Variants in SCARA5 observed in about 807,000 individuals in gnomAD.
The protein encoded by SCARA5 is scavenger receptor class A, member 5 (putative).
In SCARA5, 45 loss-of-function variants were observed where a neutral mutation model predicts 46.3. The observed-to-expected ratio is 0.97, with a 90% CI of 0.76 to 1.24. The LOEUF is 1.24. SCARA5 is among the 50% of genes most tolerant of loss of function. The pLI, the probability that SCARA5 is intolerant of heterozygous loss-of-function variation, is 0.00. For synonymous variants in SCARA5, 333 were observed against 306.5 expected, an observed-to-expected ratio of 1.09 and a Z score of -0.90; for missense variants, 680 against 689.0, an observed-to-expected ratio of 0.99 and a Z score of 0.15.
At chr8:27,884,765 A>G (rs1172996635) in intron 7 of SCARA5, among the ~76,000 whole-genome samples, 5 of 152,216 alleles carry the variant, frequency 3.3e-5, no homozygotes, top group Non-Finnish European at 5.9e-5. Flanking sequence ...AGCTGTGGAT[A>G]CACCCACAAA....
At chr8:27,909,533 A>C in intron 5 of SCARA5, 130 bp downstream of exon 5, 1 of 626,962 alleles carries the variant, frequency 1.6e-6, no homozygotes, top group Non-Finnish European at 2.8e-6. Context: ...TCTTGTTGGA[A>C]CAGAGCGTTT....
chr8:27,982,886 G>A (rs1381089116), intron 2 of SCARA5, among the ~76,000 whole-genome samples: 1 of 152,186 alleles, frequency 6.6e-6, no homozygotes, highest in African/African-American at 2.4e-5. Context: ...CAGGGAGGGT[G>A]AAGAGAAATG....
chr8:27,991,528 C>T (rs1808785738), intron 1 of SCARA5, among the ~76,000 whole-genome samples: 1 of 152,184 alleles, frequency 6.6e-6, no homozygotes, highest in South Asian at 2.1e-4. Context: ...TCCATTAATT[C>T]CTCCTCTGAG....
intron 2 of SCARA5, among the ~76,000 whole-genome samples, chr8:27,971,420 A>T (rs183604579): frequency 2.0e-4 from 30 of 152,334 alleles, no homozygotes; most frequent in Non-Finnish European, 3.4e-4. Context: ...ATAAATTTGA[A>T]AACAGTGACT....
chr8:27,927,920 T>C (rs1585495118), intron 3 of SCARA5, among the ~76,000 whole-genome samples: 1 of 152,238 alleles, frequency 6.6e-6, no homozygotes, highest in Non-Finnish European at 1.5e-5. Flanking sequence ...AACATTATTT[T>C]TATGTGAGTC....
At chr8:27,931,037 A>T (rs1249751973) in intron 3 of SCARA5, among the ~76,000 whole-genome samples, 1 of 152,242 alleles carries the variant, frequency 6.6e-6, no homozygotes, top group Admixed American at 6.5e-5. Flanking sequence ...ACTGGGTTGC[A>T]TTTACTGAGG....
At chr8:27,945,554 A>G (rs752089698) in intron 3 of SCARA5, among the ~76,000 whole-genome samples, 2 of 152,194 alleles carry the variant, frequency 1.3e-5, no homozygotes, top group Non-Finnish European at 2.9e-5. Context: ...TTAACTACAT[A>G]AAGATTTATG....
intron 3 of SCARA5, among the ~76,000 whole-genome samples, chr8:27,939,065 A>G (rs1807902184): frequency 6.6e-6 from 1 of 152,214 alleles, no homozygotes; most frequent in African/African-American, 2.4e-5. Flanking sequence ...GCCACTTTAT[A>G]CCATACACAG....
chr8:27,874,086 G>A (rs142562362), intron 8 of SCARA5, among the ~76,000 whole-genome samples: 9 of 152,300 alleles, frequency 5.9e-5, no homozygotes, highest in South Asian at 4.2e-4. Context: ...AGGCCTCTGT[G>A]TGCTCAGTAC....
At chr8:27,985,309 C>T (rs1480317190) in intron 2 of SCARA5, among the ~76,000 whole-genome samples, 5 of 151,970 alleles carry the variant, frequency 3.3e-5, no homozygotes, top group Admixed American at 6.6e-5. Context: ...CAGTAATGCA[C>T]ACTGGGGGAT....
At chr8:27,990,462 G>C (rs1808772143) in intron 1 of SCARA5, among the ~76,000 whole-genome samples, 2 of 152,086 alleles carry the variant, frequency 1.3e-5, no homozygotes. Context: ...CTCCTCCCAG[G>C]AGCACTGTGT....
Position 27,992,581 on chromosome 8 carries a change from T to G in SCARA5, c.-340A>C, listed in dbSNP as rs900298746. 3.9e-5 allele frequency: 6 copies of G among 152,510 alleles called. No individual in the cohort carries two copies. The highest frequency in any genetic ancestry group is 7.3e-5 in the Non-Finnish European group (5 of 68,298). 9.4% of individuals were successfully genotyped at this position (152,510 alleles called of 1,614,324 possible). A position where few individuals can be genotyped will look rare whatever the true frequency, so the allele number is the denominator to read the frequency against. On this transcript the variant is annotated 5_prime_UTR_variant, in exon 1 of 9. Coordinates refer to ENST00000354914, the MANE Select transcript of SCARA5 (RefSeq NM_173833.6). ...CCTGTCCTTGGTGCCTGGTCCTGGG[T>G]AGCGATCAGGAGATGTTCTGAGGAG...
chr8:27,960,847 T>C (rs1207726155), intron 3 of SCARA5, among the ~76,000 whole-genome samples: 2 of 152,084 alleles, frequency 1.3e-5, no homozygotes, highest in Non-Finnish European at 2.9e-5. Context: ...AAAACATAAA[T>C]AGAATAGAGT....
Position 27,921,919 on chromosome 8 carries a change from C to T in SCARA5, c.568G>A (p.Val190Met). 3.3e-6 allele frequency: 5 copies of T among 1,531,388 alleles called. No homozygotes were observed. The South Asian group carries it at 3.7e-5, about 11-fold the overall frequency. The allele number at this position is 1,531,388 out of a possible 1,614,324, so 94.9% of individuals were successfully genotyped here. ...AGCAGCTGGCTACTGTTGCTCTCCA[C>T]CTGCAGCTGGTAGAGCTCCAGCTGC... ...TAQLELYQLQ[V>M]ESNSSQLLLR... Residue 190 changes from valine (V) to methionine (M), a missense_variant, in exon 4 of 9, where the codon GTG (valine) becomes ATG (methionine). Coordinates refer to ENST00000354914, the MANE Select transcript of SCARA5 (RefSeq NM_173833.6).
At chr8:27,902,272 G>A (rs1181851907) in intron 7 of SCARA5, among the ~76,000 whole-genome samples, 1 of 152,134 alleles carries the variant, frequency 6.6e-6, no homozygotes, top group African/African-American at 2.4e-5. Flanking sequence ...ACCTCTTGCT[G>A]TACAGTCAAG....
At position 27,879,676 on chromosome 8, in the gene SCARA5, C is replaced by T. The variant is rs754427244; in HGVS notation, c.1244G>A (p.Gly415Asp). The change falls in exon 8 of 9, where the codon GGC becomes GAC. Residue 415 changes from glycine (G) to aspartate (D), a missense_variant. By Grantham distance (94) the Gly-to-Asp change is moderately conservative (BLOSUM62 -1). Coordinates refer to ENST00000354914, the MANE Select transcript of SCARA5 (RefSeq NM_173833.6). The part of the protein sequence containing the change: ...RVEVYHDRRW[G>D]TVCDDGWDKK... ...GTCCCAGCCGTCGTCACACACGGTG[C>T]CCCAACGCCGGTCGTGGTACACTTC... is the stretch of plus-strand genomic sequence containing the variant. 10 of 1,612,974 alleles carry T rather than the reference C, an allele frequency of 6.2e-6. No individual in the cohort carries two copies. The East Asian group carries it at 2.2e-4, about 36-fold the overall frequency.
intron 1 of SCARA5, among the ~76,000 whole-genome samples, chr8:27,990,877 G>A (rs1259390274): frequency 6.6e-6 from 1 of 152,252 alleles, no homozygotes; most frequent in African/African-American, 2.4e-5. Context: ...CTCTAACAGG[G>A]AGGTGTCACC....
At chr8:27,936,460 A>G (rs1807858789) in intron 3 of SCARA5, among the ~76,000 whole-genome samples, 1 of 151,692 alleles carries the variant, frequency 6.6e-6, no homozygotes, top group Admixed American at 6.6e-5. Context: ...GTGGTGGCAC[A>G]TGCCTGTAAT....
chr8:27,984,476 T>C (rs987103579), intron 2 of SCARA5, among the ~76,000 whole-genome samples: 6 of 152,212 alleles, frequency 3.9e-5, no homozygotes, highest in African/African-American at 7.2e-5. Context: ...ATCCATCCAT[T>C]CATTCATTCA....
Sources: gnomAD v4.1 joint callset for allele counts (sites outside exome capture counted in the v4.1 genomes callset) on GRCh38, gnomAD v4.1.1 for gene constraint, MANE v1.5 for transcripts, NCBI Gene and HGNC (gene_info 2026-07-23, HGNC 2026-07-21) for gene names.